The following GRM7 variants were observed in gnomAD, a reference collection of about 807,000 sequenced individuals.
The protein encoded by GRM7 is metabotropic glutamate receptor 7.
Under a neutral mutation model 84.5 loss-of-function variants are expected in GRM7, and 35 were observed. That is an observed-to-expected ratio of 0.41 (90% confidence interval 0.32 to 0.55). GRM7 has a LOEUF of 0.55. Ranked by LOEUF, GRM7 falls within the 20% of genes least tolerant of loss-of-function variation. The probability of loss-of-function intolerance (pLI) is 0.19; values close to 1 mark genes in which losing one functional copy is unlikely to be tolerated. For synonymous variants in GRM7, 487 were observed against 455.1 expected (o/e 1.07, Z -0.89); for missense variants, 1,003 against 1,194.6 (o/e 0.84, Z 2.36).
intron 4 of GRM7, among the ~76,000 whole-genome samples, chr3:7,340,582 T>C (rs1701601084): frequency 6.6e-6 from 1 of 152,116 alleles, no homozygotes; most frequent in African/African-American, 2.4e-5. Context: ...GAGATTTGGG[T>C]GAAGACATGA....
intron 1 of GRM7, among the ~76,000 whole-genome samples, chr3:7,090,989 T>G (rs1698643877): frequency 6.6e-6 from 1 of 152,164 alleles, no homozygotes; most frequent in African/African-American, 2.4e-5. Flanking sequence ...TGATGAACAT[T>G]AAAAATTTGT....
At position 6,928,252 on chromosome 3, in the gene GRM7, CT is replaced by C. The variant is rs1559333951; in HGVS notation, c.519+66348del. Among the ~76,000 whole-genome samples the C allele has an allele frequency of 6.6e-6, 1 of 152,100 alleles. No homozygotes were observed. Among genetic ancestry groups the C allele is most frequent in the Non-Finnish European group, 1.5e-5 (1 of 68,022 alleles). Reference sequence around the variant, plus strand: ...AAAGATAGTTGCTCAATACCACTCTCTTTCCCAGGTACTAAAAAATGCAGTT... The same window carrying C: ...AAAGATAGTTGCTCAATACCACTCTCTTCCCAGGTACTAAAAAATGCAGTT... On this transcript the variant is annotated intron_variant, in intron 1 of 9. Transcript: ENST00000357716. The surrounding 1 kb of genome is among the most constrained non-coding windows in gnomAD (Gnocchi z 4.5).
intron 8 of GRM7, among the ~76,000 whole-genome samples, chr3:7,645,227 A>G (rs1366995718): frequency 6.6e-6 from 1 of 152,080 alleles, no homozygotes; most frequent in Non-Finnish European, 1.5e-5. Flanking sequence ...GAGGTCATGG[A>G]AAGCAAACTT....
At chr3:7,501,286 C>T (rs1376515431) in intron 7 of GRM7, among the ~76,000 whole-genome samples, 2 of 152,162 alleles carry the variant, frequency 1.3e-5, no homozygotes, top group Non-Finnish European at 2.9e-5. Context: ...CCCTTTTGAA[C>T]ATGGCACAAA....
intron 4 of GRM7, among the ~76,000 whole-genome samples, chr3:7,403,622 GATATATATATAT>G (rs59465377): frequency 1.6e-5 from 2 of 126,950 alleles, no homozygotes; most frequent in East Asian, 2.2e-4. Context: ...GAGTAATTCT[GATATATATATAT>G]ATATATATAT....
chr3:7,523,479 G>A (rs760263769), intron 7 of GRM7, among the ~76,000 whole-genome samples: 14 of 152,106 alleles, frequency 9.2e-5, no homozygotes, highest in Middle Eastern at 3.2e-3. Flanking sequence ...AGGCATCTCC[G>A]AGCTGGTAGA....
intron 1 of GRM7, among the ~76,000 whole-genome samples, chr3:7,115,138 G>T (rs978394773): frequency 1.3e-5 from 2 of 152,064 alleles, no homozygotes; most frequent in Non-Finnish European, 2.9e-5. Flanking sequence ...CTTATCTAAG[G>T]TCAGATGGCT....
chr3:7,625,386 C>G (rs1296434542), intron 8 of GRM7, among the ~76,000 whole-genome samples: 1 of 152,040 alleles, frequency 6.6e-6, no homozygotes, highest in Non-Finnish European at 1.5e-5. Flanking sequence ...GCAACTCGTA[C>G]AGGGGATATA....
intron 7 of GRM7, among the ~76,000 whole-genome samples, chr3:7,494,209 A>G (rs1699620061): frequency 6.6e-6 from 1 of 152,092 alleles, no homozygotes. Context: ...GAAGGTTTCC[A>G]TGTCTCCTTT....
intron 1 of GRM7, among the ~76,000 whole-genome samples, chr3:6,869,157 C>T (rs1695031353): frequency 6.6e-6 from 1 of 152,132 alleles, no homozygotes; most frequent in Non-Finnish European, 1.5e-5. Context: ...AAGGAATTAT[C>T]AGAATTTCCA....
chr3:7,063,865 C>T (rs79559401), intron 1 of GRM7, among the ~76,000 whole-genome samples: 7 of 151,644 alleles, frequency 4.6e-5, no homozygotes, highest in African/African-American at 1.7e-4. Flanking sequence ...CCAACAGAAG[C>T]TGTCCATAGT....
At chr3:6,891,561 C>T (rs1173773021) in intron 1 of GRM7, among the ~76,000 whole-genome samples, 2 of 152,130 alleles carry the variant, frequency 1.3e-5, no homozygotes, top group Non-Finnish European at 2.9e-5. Context: ...AATATTGGCC[C>T]CCACTCTCTT....
chr3:7,484,633 G>C (rs1275499239), intron 7 of GRM7, among the ~76,000 whole-genome samples: 2 of 152,106 alleles, frequency 1.3e-5, no homozygotes. Context: ...TTTGTGCCAG[G>C]CACAGTTCTT....
chr3:7,629,528 G>A (rs988078697), intron 8 of GRM7, among the ~76,000 whole-genome samples: 2 of 152,102 alleles, frequency 1.3e-5, no homozygotes, highest in Admixed American at 6.5e-5. Flanking sequence ...TATTGGATCA[G>A]GGCCCTACCC....
intron 9 of GRM7, among the ~76,000 whole-genome samples, chr3:7,731,561 T>C (rs905418975): frequency 2.6e-5 from 4 of 152,274 alleles, no homozygotes; most frequent in East Asian, 3.9e-4. Flanking sequence ...TAAATGATAA[T>C]AGGCCTTGCC....
intron 9 of GRM7, chr3:7,686,311 G>T (rs754852191): frequency 6.3e-6 from 5 of 798,336 alleles, no homozygotes; most frequent in Non-Finnish European, 1.1e-5. Flanking sequence ...GTAATATTGT[G>T]TGCACATTTA....
chr3:7,684,834 G>A (rs185776701), intron 9 of GRM7, among the ~76,000 whole-genome samples: 283 of 152,206 alleles, frequency 1.9e-3, no homozygotes, highest in Admixed American at 3.0e-3. Context: ...AGCTCAGAGG[G>A]CATAGGGCTG....
At chr3:7,240,873 T>C (rs769979287) in intron 2 of GRM7, among the ~76,000 whole-genome samples, 1 of 152,214 alleles carries the variant, frequency 6.6e-6, no homozygotes, top group Non-Finnish European at 1.5e-5. Context: ...TTTTCTATGT[T>C]TAGATACACA....
intron 4 of GRM7, among the ~76,000 whole-genome samples, chr3:7,318,408 G>A (rs1401062250): frequency 6.6e-6 from 1 of 152,060 alleles, no homozygotes; most frequent in Non-Finnish European, 1.5e-5. Flanking sequence ...AGTATTATTA[G>A]TTTGGATTGA....
Sources: allele counts gnomAD v4.1 joint callset (sites outside exome capture counted in the v4.1 genomes callset), GRCh38; gene constraint gnomAD v4.1.1; non-coding constraint Gnocchi (gnomAD v3.1); transcripts MANE v1.5; gene names NCBI Gene and HGNC (gene_info 2026-07-23, HGNC 2026-07-21).